PAN2: variants seen among roughly 807,000 people sequenced by gnomAD.
The protein encoded by PAN2 is PAN2-PAN3 deadenylation complex catalytic subunit PAN2.
Under a neutral mutation model 133.3 loss-of-function variants are expected in PAN2, and 68 were observed. That is an observed-to-expected ratio of 0.51 (90% CI 0.42 to 0.62). The LOEUF (loss-of-function observed/expected upper bound fraction) is 0.62, where lower values mean the gene tolerates loss of function less well. Among genes scored for constraint, PAN2 ranks in the 20% least tolerant of loss-of-function variants. PAN2 has a pLI of 0.00. For missense variants in PAN2, 1,042 were observed against 1,500.5 expected, an observed-to-expected ratio of 0.69 and a Z score of 5.05; for synonymous variants, 462 against 544.6, an observed-to-expected ratio of 0.85 and a Z score of 2.11.
intron 20 of PAN2, among the ~76,000 whole-genome samples, chr12:56,321,173 G>A (rs1437513528): frequency 2.0e-5 from 3 of 150,560 alleles, no homozygotes; most frequent in East Asian, 3.9e-4. Flanking sequence ...TGATCCTCCC[G>A]CCTCAGCTTC....
rs750574285 is a variant in PAN2, at chr12:56,332,978, C to CTGT, written c.116_117insACA (p.Leu39_Asp40insGln). ...CCTCCAAGGCCACTCCCTCTGGGTC[C>CTGT]AGCTCCACATTCTGTAGCAGACTTG... On this transcript the variant is annotated inframe_insertion, in exon 2 of 26. Transcript: ENST00000440411. 120 of 1,614,066 alleles carry CTGT rather than the reference C, an allele frequency of 7.4e-5. 1 individual carries two copies. Among genetic ancestry groups the CTGT allele is most frequent in the Admixed American group, 1.0e-4 (6 of 59,992 alleles).
At chr12:56,329,770 G>A (rs1875535622) in intron 2 of PAN2, among the ~76,000 whole-genome samples, 2 of 151,294 alleles carry the variant, frequency 1.3e-5, no homozygotes, top group South Asian at 4.2e-4. Context: ...ATGGTGAAAC[G>A]TCATCTCTAC....
At position 56,324,306 on chromosome 12, in the gene PAN2, C is replaced by T. The variant is rs779954394; in HGVS notation, c.1916G>A (p.Gly639Asp). Residue 639 changes from glycine (G) to aspartate (D), a missense_variant, in exon 12 of 26, where the codon GGT becomes GAT. By Grantham distance (94) the Gly-to-Asp change is moderately conservative (BLOSUM62 -1). Coordinates refer to ENST00000440411, the MANE Select transcript of PAN2 (RefSeq NM_014871.6). ...CCTGATTTCATACCTGCCTCCAGCA[C>T]CTCGATAAGCCTGTGGTATTTCCAG... ...QELEIPQAYR[G>D]AGGSSFCSSG... The T allele has an allele frequency of 6.8e-6, 11 of 1,613,722 alleles. No homozygotes were observed. The highest frequency in any genetic ancestry group is 9.3e-6 in the Non-Finnish European group (11 of 1,180,032).
At position 56,326,826 on chromosome 12, in the gene PAN2, C is replaced by T. The variant is rs775981982; in HGVS notation, c.1053G>A (p.Glu351=). The T allele has an allele frequency of 3.7e-6, 6 of 1,614,080 alleles. No individual in the cohort carries two copies. In the Admixed American group the frequency reaches 8.3e-5, roughly 22 times the overall value. The change falls in exon 7 of 26, where the codon GAG becomes GAA. Residue 351 remains glutamate, a synonymous_variant. Coordinates refer to ENST00000440411, the MANE Select transcript of PAN2 (RefSeq NM_014871.6). The stretch of plus-strand genomic sequence containing the variant: ...AATCAGTCCAGAGGTGCACACAGCC[C>T]TCAGAATCCCCAAAGGCCAGAGCCT... ...SKQALAFGDS[E]GCVHLWTDSP...
At chr12:56,330,873 A>G (rs1288029789) in intron 2 of PAN2, among the ~76,000 whole-genome samples, 1 of 151,840 alleles carries the variant, frequency 6.6e-6, no homozygotes, top group African/African-American at 2.4e-5. Context: ...ATCTCAGCTC[A>G]CTGCAACCTC....
intron 25 of PAN2, 103 bp downstream of exon 25, chr12:56,318,134 G>A (rs548991111): frequency 3.1e-5 from 29 of 934,524 alleles, no homozygotes; most frequent in Middle Eastern, 6.4e-4. Context: ...CTGTAATCAC[G>A]CTACTGCACT....
In PAN2 at chr12:56,319,848, C is replaced by G. The variant is rs1412789623; in HGVS notation, c.2946+16G>C. 5.0e-6 allele frequency: 8 copies of G among 1,614,026 alleles called. No individual in the cohort carries two copies. The highest frequency in any genetic ancestry group is 5.9e-6 in the Non-Finnish European group (7 of 1,180,008). On this transcript the variant is annotated intron_variant, in intron 21 of 25. Transcript: ENST00000440411. This position sits in a 1 kb window ranked among gnomAD's most constrained non-coding sequence, Gnocchi z 5.4. The stretch of plus-strand genomic sequence containing the variant: ...AGCGTTCTCTTCCAATGCCCCATCC[C>G]TTTGGTCTTGGTTACCTCATTAAGG...
chr12:56,321,336 C>T (rs1874505137), intron 20 of PAN2, among the ~76,000 whole-genome samples: 1 of 150,022 alleles, frequency 6.7e-6, no homozygotes. Context: ...TGAAGTGATT[C>T]TCCTGCCTCA....
At chr12:56,322,910 T>C in intron 17 of PAN2, 152 bp from the exon 18 acceptor site, 1 of 1,262,416 alleles carries the variant, frequency 7.9e-7, no homozygotes, top group Non-Finnish European at 1.1e-6. Context: ...AACACTGAAC[T>C]GAGTGACTAT....
chr12:56,321,163 T>G (rs1476782375), intron 20 of PAN2, among the ~76,000 whole-genome samples: 1 of 151,522 alleles, frequency 6.6e-6, no homozygotes, highest in East Asian at 1.9e-4. Context: ...TGGGCTCAAG[T>G]GATCCTCCCG....
In PAN2 at chr12:56,323,881, C is replaced by A; in HGVS notation, c.2098G>T (p.Val700Leu). 6.2e-7 allele frequency: 1 copy of A among 1,614,138 alleles called. No individual in the cohort carries two copies. Among genetic ancestry groups the A allele is most frequent in the Non-Finnish European group, 8.5e-7 (1 of 1,179,950 alleles). The change falls in exon 14 of 26, where the codon GTG becomes TTG. Residue 700 changes from valine (V) to leucine (L), a missense_variant. Val to Leu is a conservative substitution (Grantham distance 32). This residue lies in a region of PAN2 where 908 missense variants were observed against 1,223.5 expected (regional missense o/e 0.74). Transcript: ENST00000440411. Reference protein sequence around the residue: ...KTGKNYDFAQVLKRSICLDQN... With the variant: ...KTGKNYDFAQLLKRSICLDQN... ...TCCAGGCAGATGCTTCGCTTCAGCA[C>A]CTGAGCAAAGTCATAGTTCTTCCCA...
At chr12:56,326,188 C>T in intron 8 of PAN2, 125 bp downstream of exon 8, 1 of 825,330 alleles carries the variant, frequency 1.2e-6, no homozygotes, top group Non-Finnish European at 1.9e-6. Flanking sequence ...TAACACCTAG[C>T]ATAGTTCCAT....
intron 2 of PAN2, among the ~76,000 whole-genome samples, chr12:56,330,352 T>TC (rs1565637937): frequency 8.9e-6 from 1 of 112,580 alleles, no homozygotes; most frequent in Non-Finnish European, 1.9e-5. Flanking sequence ...ACTGTATTTT[T>TC]CTTTTTTTTT....
chr12:56,320,745 CTTTTTTTTTTTT>C (rs764563787), intron 20 of PAN2, among the ~76,000 whole-genome samples: 2 of 115,196 alleles, frequency 1.7e-5, no homozygotes, highest in African/African-American at 7.2e-5. Flanking sequence ...CTTACAGCTG[CTTTTTTTTTTTT>C]TTTTTTTTTT....
intron 2 of PAN2, 29 bp from the exon 3 acceptor site, chr12:56,328,670 T>C: frequency 6.2e-7 from 1 of 1,604,870 alleles, no homozygotes. Context: ...ACAGAGACAC[T>C]TAGAGTGGAG....
chr12:56,326,886 A>G lies in PAN2; in HGVS notation c.993T>C (p.Pro331=). The G allele has an allele frequency of 6.2e-7, 1 of 1,614,208 alleles. No homozygotes were observed. ...ADIFHVNPVG[P]LLMTFDVSAS... is the part of the protein sequence containing the mutation. ...CTGACACATCAAATGTCATTAGCAGAGGCCCCACAGGATTCACATGAAAGA... is the reference window on the plus strand; with the variant it reads ...CTGACACATCAAATGTCATTAGCAGGGGCCCCACAGGATTCACATGAAAGA... Residue 331 remains proline, a synonymous_variant, in exon 7 of 26, where the codon CCT becomes CCC. Transcript: ENST00000440411.
Position 56,324,979 on chromosome 12 carries a change from G to A in PAN2, c.1599+30C>T, listed in dbSNP as rs199989986. On this transcript the variant is annotated intron_variant, in intron 10 of 25. Transcript: ENST00000440411. ...AGGGAAGAAGAAAAGCAGCAGGCAC[G>A]TTCAAGTTACAGGAATACCCAACCC... 1,942 of 1,611,476 alleles carry A rather than the reference G, an allele frequency of 1.2e-3. 1 individual carries two copies. Among genetic ancestry groups the A allele is most frequent in the Middle Eastern group, 1.5e-3 (9 of 6,048 alleles).
At position 56,319,534 on chromosome 12, in the gene PAN2, G is replaced by A; in HGVS notation, c.3091-47C>T. ...AGCCTTTTTCAGGAAGTGAGATGGA[G>A]TCTTCCCCTATCACTCTTCCCTGGG... On this transcript the variant is annotated intron_variant, in intron 22 of 25. Transcript: ENST00000440411. The surrounding 1 kb of genome is among the most constrained non-coding windows in gnomAD (Gnocchi z 5.4). The A allele has an allele frequency of 6.3e-7, 1 of 1,594,992 alleles. No individual in the cohort carries two copies.
Position 56,319,757 on chromosome 12 carries a change from G to T in PAN2, c.2954C>A (p.Ala985Glu), listed in dbSNP as rs764114884. 10 of 1,612,758 alleles carry T rather than the reference G, an allele frequency of 6.2e-6. No homozygotes were observed. Residue 985 changes from alanine (A) to glutamate (E), a missense_variant, in exon 22 of 26, where the codon GCA becomes GAA. This residue lies in a region of PAN2 where 49 missense variants were observed against 160.5 expected (regional missense o/e 0.31). Transcript: ENST00000440411. This position sits in a 1 kb window ranked among gnomAD's most constrained non-coding sequence, Gnocchi z 5.4. ...CTTGGTACCATCACTGCGTAACTCTGCTTCCTCCTACATGAGAAGAGTTAA... is the reference window on the plus strand; with the variant it reads ...CTTGGTACCATCACTGCGTAACTCTTCTTCCTCCTACATGAGAAGAGTTAA... ...AEFVTLNEEEAELRSDGTKST... is the reference protein window; with the variant it reads ...AEFVTLNEEEEELRSDGTKST...
Sources: allele counts gnomAD v4.1 joint callset (sites outside exome capture counted in the v4.1 genomes callset), GRCh38; gene constraint gnomAD v4.1.1; regional missense constraint gnomAD v4.1.1; non-coding constraint Gnocchi (gnomAD v3.1); transcripts MANE v1.5; gene names NCBI Gene and HGNC (gene_info 2026-07-23, HGNC 2026-07-21).